The following MYO16 variants were observed in gnomAD, a reference collection of about 807,000 sequenced individuals.
The protein encoded by MYO16 is unconventional myosin-XVI.
Under a neutral mutation model 205.3 loss-of-function variants are expected in MYO16, and 94 were observed. That is an observed-to-expected ratio of 0.46 (90% CI 0.39 to 0.54). The LOEUF (loss-of-function observed/expected upper bound fraction) is 0.54, where lower values mean the gene tolerates loss of function less well. Among genes scored for constraint, MYO16 ranks in the 20% least tolerant of loss-of-function variants. The pLI is 0.00. For missense variants in MYO16, 2,315 were observed against 2,387.5 expected (o/e 0.97, Z 0.63); for synonymous variants, 988 against 954.0 (o/e 1.04, Z -0.66).
At chr13:108,613,205 A>G (rs1490034344) in intron 1 of MYO16, among the ~76,000 whole-genome samples, 6 of 152,218 alleles carry the variant, frequency 3.9e-5, no homozygotes, top group East Asian at 1.9e-4. Context: ...CATTTTCTGA[A>G]TATGGTAGGG....
At chr13:108,989,883 T>A (rs1884768101) in intron 20 of MYO16, among the ~76,000 whole-genome samples, 1 of 152,116 alleles carries the variant, frequency 6.6e-6, no homozygotes, top group African/African-American at 2.4e-5. Context: ...AAGAGGCAAC[T>A]TTTTGGAAAC....
rs1228474978 is a variant in MYO16, at chr13:109,052,548, AAAAG to A, written c.3048+74_3048+77del. ...TATATTTGCTTCTTTTTTTTTAAAA[AAAAG>A]CACAATTTTAAATACCAAGGAAATA... On this transcript the variant is annotated intron_variant, in intron 25 of 34. Transcript: ENST00000457511. The A allele has an allele frequency of 5.0e-6, 6 of 1,192,398 alleles. No homozygotes were observed. In the Admixed American group the frequency reaches 1.4e-4, roughly 28 times the overall value. The allele number at this position is 1,192,398 out of a possible 1,614,324, so 73.9% of individuals were successfully genotyped here.
chr13:108,676,403 G>GTGTGTT (rs143639000), intron 2 of MYO16, among the ~76,000 whole-genome samples: 1,684 of 148,320 alleles, frequency 0.011, 39 homozygotes, highest in East Asian at 0.077. Flanking sequence ...GTGTGTGTGT[G>GTGTGTT]TGTGCCAGCC....
At chr13:108,809,426 AC>A (rs1252387004) in intron 7 of MYO16, among the ~76,000 whole-genome samples, 1 of 152,158 alleles carries the variant, frequency 6.6e-6, no homozygotes, top group Non-Finnish European at 1.5e-5. Flanking sequence ...CAGTCTGCAG[AC>A]TGTACAAGCA....
chr13:108,759,689 C>T (rs1158613501), intron 4 of MYO16, among the ~76,000 whole-genome samples: 1 of 150,844 alleles, frequency 6.6e-6, no homozygotes, highest in Non-Finnish European at 1.5e-5. Context: ...GGCGTGGGGG[C>T]AGGCGCCTAT....
chr13:108,683,155 C>T (rs897945266), intron 2 of MYO16, among the ~76,000 whole-genome samples: 6 of 152,288 alleles, frequency 3.9e-5, no homozygotes, highest in East Asian at 1.9e-4. Context: ...CTCTTCTGTA[C>T]GCCTACAGGC....
intron 2 of MYO16, among the ~76,000 whole-genome samples, chr13:108,702,131 A>G (rs368187459): frequency 2.0e-5 from 3 of 152,182 alleles, no homozygotes; most frequent in East Asian, 1.9e-4. Context: ...AGGCAGAAAG[A>G]ATATTGGAGG....
At chr13:108,707,292 A>T (rs1260064913) in intron 2 of MYO16, among the ~76,000 whole-genome samples, 2 of 152,124 alleles carry the variant, frequency 1.3e-5, no homozygotes, top group Non-Finnish European at 2.9e-5. Flanking sequence ...TCAATGGAAT[A>T]TAGGGATCAA....
chr13:109,103,598 T>C (rs912801349), intron 28 of MYO16, among the ~76,000 whole-genome samples: 3 of 152,080 alleles, frequency 2.0e-5, no homozygotes, highest in African/African-American at 7.2e-5. Flanking sequence ...TTCTAATGCG[T>C]CTTGGAGATC....
intron 14 of MYO16, 67 bp from the exon 15 acceptor site, chr13:108,897,949 G>A (rs551124979): frequency 4.5e-5 from 54 of 1,203,206 alleles, no homozygotes; most frequent in South Asian, 2.7e-4. Context: ...CTGCATCGTC[G>A]CTATTACTCA....
chr13:108,950,943 CTTCT>C (rs1883123472), intron 16 of MYO16, among the ~76,000 whole-genome samples: 1 of 152,148 alleles, frequency 6.6e-6, no homozygotes, highest in South Asian at 2.1e-4. Context: ...TTTGGTAGAG[CTTCT>C]TTATTTTTCC....
the MYO16 span, among the ~76,000 whole-genome samples, chr13:108,558,462 G>A: frequency 0.012 from 1,857 of 152,284 alleles, 30 homozygotes; most frequent in African/African-American, 0.039. Context: ...TGGGCACCTC[G>A]ACTGTGTCTT....
At chr13:108,928,347 T>C (rs1357875016) in intron 16 of MYO16, among the ~76,000 whole-genome samples, 2 of 152,262 alleles carry the variant, frequency 1.3e-5, no homozygotes, top group Non-Finnish European at 2.9e-5. Flanking sequence ...TGTGTCATTA[T>C]ATTACATGAT....
At chr13:109,179,507 A>G (rs779540225) in intron 33 of MYO16, 35 bp from the exon 34 acceptor site, 30 of 1,382,822 alleles carry the variant, frequency 2.2e-5, no homozygotes, top group Non-Finnish European at 2.9e-5. Context: ...ACAAGGAGAC[A>G]CTGCTTAACT....
chr13:108,767,046 T>G (rs9583287), intron 4 of MYO16, among the ~76,000 whole-genome samples: 10,402 of 152,222 alleles, frequency 0.068, 612 homozygotes, highest in East Asian at 0.24. Context: ...CTACTTGAAC[T>G]TCCATAAATA....
intron 5 of MYO16, among the ~76,000 whole-genome samples, chr13:108,792,044 T>G (rs1021881461): frequency 3.3e-5 from 5 of 152,218 alleles, no homozygotes; most frequent in Non-Finnish European, 7.3e-5. Context: ...TGGAAGAAGA[T>G]GAATTAATTC....
the MYO16 span, among the ~76,000 whole-genome samples, chr13:108,532,433 C>A: frequency 6.6e-6 from 1 of 150,986 alleles, no homozygotes; most frequent in Non-Finnish European, 1.5e-5. Flanking sequence ...AGAAAATAAC[C>A]ATCTTCTGCT....
At position 109,141,762 on chromosome 13, in the gene MYO16, T is replaced by C. The variant is rs1000127399; in HGVS notation, c.5164+386T>C. Among the ~76,000 whole-genome samples, 4 of 152,218 alleles carry C rather than the reference T, an allele frequency of 2.6e-5. No homozygotes were observed. The highest frequency in any genetic ancestry group is 5.9e-5 in the Non-Finnish European group (4 of 68,038). ...TTTGTGTATGTTTCTATCGCCGATTTCCGTTTGATGTACAGTTCACAGCTA... is the reference window on the plus strand; with the variant it reads ...TTTGTGTATGTTTCTATCGCCGATTCCCGTTTGATGTACAGTTCACAGCTA... On this transcript the variant is annotated intron_variant, in intron 32 of 34. Transcript: ENST00000457511. The surrounding 1 kb of genome is among the most constrained non-coding windows in gnomAD (Gnocchi z 4.1).
At chr13:108,712,868 G>T in intron 3 of MYO16, 137 bp downstream of exon 3, 1 of 622,116 alleles carries the variant, frequency 1.6e-6, no homozygotes, top group Non-Finnish European at 2.7e-6. Flanking sequence ...AACAGGCTTG[G>T]ATGATAAGCT....
Sources: allele counts gnomAD v4.1 joint callset (sites outside exome capture counted in the v4.1 genomes callset), GRCh38; gene constraint gnomAD v4.1.1; non-coding constraint Gnocchi (gnomAD v3.1); transcripts MANE v1.5; gene names NCBI Gene and HGNC (gene_info 2026-07-23, HGNC 2026-07-21).